Variants in SYNE1 observed in about 807,000 individuals in gnomAD.
SYNE1 encodes the protein nesprin-1.
In SYNE1, 616 loss-of-function variants were observed where a neutral mutation model predicts 1,111.0. The ratio of observed to expected loss-of-function variants is 0.55; its 90% CI spans 0.52 to 0.59. The LOEUF (loss-of-function observed/expected upper bound fraction) is 0.59, where lower values mean the gene tolerates loss of function less well. Among genes scored for constraint, SYNE1 ranks in the 20% least tolerant of loss-of-function variants. SYNE1 has a pLI of 0.00. For missense variants in SYNE1, 10,006 were observed against 10,417.0 expected, an observed-to-expected ratio of 0.96 and a Z score of 1.72; for synonymous variants, 3,855 against 3,825.8, an observed-to-expected ratio of 1.01 and a Z score of -0.28.
At chr6:152,482,590 A>G (rs1160558316) in intron 14 of SYNE1, among the ~76,000 whole-genome samples, 1 of 152,162 alleles carries the variant, frequency 6.6e-6, no homozygotes, top group African/African-American at 2.4e-5. Flanking sequence ...ACAACTGATC[A>G]TATACTAAGT....
intron 6 of SYNE1, among the ~76,000 whole-genome samples, chr6:152,518,910 A>C (rs1235124124): frequency 6.6e-6 from 1 of 151,710 alleles, no homozygotes; most frequent in Non-Finnish European, 1.5e-5. Flanking sequence ...TATATATATG[A>C]GTTAATAAAC....
chr6:152,609,685 C>T (rs1176555383), intron 3 of SYNE1, among the ~76,000 whole-genome samples: 2 of 152,166 alleles, frequency 1.3e-5, no homozygotes, highest in African/African-American at 2.4e-5. Context: ...GGTCCCTGAC[C>T]CCCATGTAGC....
chr6:152,417,057 C>T, intron 40 of SYNE1, 42 bp from the exon 41 acceptor site: 1 of 1,609,920 alleles, frequency 6.2e-7, no homozygotes, highest in Non-Finnish European at 8.5e-7. Flanking sequence ...AGATACACTA[C>T]AGTCTATGGC....
At chr6:152,362,059 A>C in intron 64 of SYNE1, 111 bp downstream of exon 64, 2 of 1,439,580 alleles carry the variant, frequency 1.4e-6, no homozygotes, top group South Asian at 2.3e-5. Flanking sequence ...CCCCAAACGT[A>C]ATTTGCTTAT....
intron 118 of SYNE1, 128 bp downstream of exon 118, chr6:152,221,295 ATGT>A (rs1212741339): frequency 1.4e-5 from 17 of 1,245,466 alleles, no homozygotes; most frequent in Non-Finnish European, 1.9e-5. Flanking sequence ...CCTTAAATTC[ATGT>A]TGTGAAAGAG....
chr6:152,600,422 T>C (rs1028119050), intron 3 of SYNE1, among the ~76,000 whole-genome samples: 1 of 152,216 alleles, frequency 6.6e-6, no homozygotes, highest in Non-Finnish European at 1.5e-5. Flanking sequence ...GTTCCTATTT[T>C]TTTAAAAAGC....
rs2096250769 is a variant in SYNE1, at chr6:152,331,663, G to A, written c.13022C>T (p.Thr4341Ile). Residue 4341 changes from threonine to isoleucine, a missense_variant, in exon 78 of 146, where the codon ACC becomes ATC. Transcript: ENST00000367255. Reference sequence around the variant, plus strand: ...CACCACATTTAACTCCTCCAAGTTGGTGACTGACACTTGGATTTTCCTTTT... The same window carrying A: ...CACCACATTTAACTCCTCCAAGTTGATGACTGACACTTGGATTTTCCTTTT... ...LIKRKIQVSV[T>I]NLEELNVVQS... 1 of 1,614,060 alleles carries A rather than the reference G, an allele frequency of 6.2e-7. No individual in the cohort carries two copies. The highest frequency in any genetic ancestry group is 8.5e-7 in the Non-Finnish European group (1 of 1,180,032).
chr6:152,265,652 C>A lies in SYNE1; in HGVS notation c.18815+2404G>T, dbSNP rs1252164663. Reference sequence around the variant, plus strand: ...TTACATTTAATCATTGACACACGTACAACACCAGTAGCAAACCTTTTAAAA... The same window carrying A: ...TTACATTTAATCATTGACACACGTAAAACACCAGTAGCAAACCTTTTAAAA... On this transcript the variant is annotated intron_variant, in intron 100 of 145. Transcript: ENST00000367255. 3.3e-5 allele frequency among the ~76,000 whole-genome samples: 5 copies of A among 152,266 alleles called. No individual in the cohort carries two copies. In the East Asian group the frequency reaches 9.6e-4, roughly 29 times the overall value.
intron 11 of SYNE1, 71 bp downstream of exon 11, chr6:152,498,671 G>C: frequency 3.7e-6 from 4 of 1,068,230 alleles, no homozygotes; most frequent in Non-Finnish European, 5.5e-6. Flanking sequence ...ACATGCAAGG[G>C]AATGACTAAA....
intron 91 of SYNE1, among the ~76,000 whole-genome samples, chr6:152,305,951 G>C (rs924600367): frequency 6.6e-6 from 1 of 152,170 alleles, no homozygotes; most frequent in Non-Finnish European, 1.5e-5. Context: ...ACTGCTGACT[G>C]AGCTGAGTTC....
chr6:152,581,651 G>A (rs17779152), intron 3 of SYNE1, among the ~76,000 whole-genome samples: 25,779 of 151,946 alleles, frequency 0.17, 2,375 homozygotes, highest in Admixed American at 0.24. Context: ...CAGTTTTAGT[G>A]CAAACACCTC....
chr6:152,257,969 TA>T (rs1448954699), intron 101 of SYNE1, among the ~76,000 whole-genome samples: 1 of 152,166 alleles, frequency 6.6e-6, no homozygotes, highest in Non-Finnish European at 1.5e-5. Context: ...AAACATAGCC[TA>T]GATAAGCTGT....
chr6:152,140,447 C>T (rs137949009), intron 139 of SYNE1, among the ~76,000 whole-genome samples: 6 of 152,264 alleles, frequency 3.9e-5, no homozygotes, highest in African/African-American at 1.4e-4. Context: ...CACGAACGAT[C>T]GTTCAATTCT....
intron 124 of SYNE1, among the ~76,000 whole-genome samples, chr6:152,208,660 A>T (rs1309081996): frequency 2.4e-4 from 37 of 152,272 alleles, no homozygotes; most frequent in Admixed American, 2.4e-3. Flanking sequence ...AGTTCGAATC[A>T]TAAGCCACTT....
intron 8 of SYNE1, among the ~76,000 whole-genome samples, chr6:152,509,580 T>C (rs926885527): frequency 2.0e-4 from 30 of 152,146 alleles, no homozygotes; most frequent in African/African-American, 7.0e-4. Context: ...TTCTATCCAC[T>C]ATTATCATAT....
At chr6:152,314,005 T>A (rs13194149) in intron 87 of SYNE1, among the ~76,000 whole-genome samples, 16,047 of 152,150 alleles carry the variant, frequency 0.11, 1,412 homozygotes, top group East Asian at 0.49. Flanking sequence ...CAATTCAGTC[T>A]CCAAATTGGA....
At chr6:152,142,016 C>T (rs891437899) in intron 138 of SYNE1, among the ~76,000 whole-genome samples, 11 of 151,820 alleles carry the variant, frequency 7.2e-5, no homozygotes, top group African/African-American at 2.7e-4. Flanking sequence ...CTGCATGCAG[C>T]GAGCTAAGAC....
In SYNE1 at chr6:152,339,389, T is replaced by C. The variant is rs549964202; in HGVS notation, c.12226-23A>G. 4.3e-5 allele frequency: 69 copies of C among 1,612,408 alleles called. No homozygotes were observed. In the East Asian group the frequency reaches 7.8e-4, roughly 18 times the overall value. On this transcript the variant is annotated intron_variant, in intron 74 of 145. Coordinates refer to ENST00000367255, the MANE Select transcript of SYNE1 (RefSeq NM_182961.4). ...GACCTGGAAAAGGCAGTTATCAGAG[T>C]GAAAGAGATGCATCAGCTATTTAGA...
chr6:152,289,335 T>C (rs1265351888), intron 95 of SYNE1, among the ~76,000 whole-genome samples: 2 of 152,226 alleles, frequency 1.3e-5, no homozygotes, highest in African/African-American at 4.8e-5. Context: ...AACTCTTTAA[T>C]AGTAAGGGTG....
Sources: allele counts gnomAD v4.1 joint callset (sites outside exome capture counted in the v4.1 genomes callset), GRCh38; gene constraint gnomAD v4.1.1; transcripts MANE v1.5; gene names NCBI Gene and HGNC (gene_info 2026-07-23, HGNC 2026-07-21).